FGF12: variants seen among roughly 807,000 people sequenced by gnomAD.
FGF12 encodes the protein fibroblast growth factor 12.
In FGF12, 14 loss-of-function variants were observed where a neutral mutation model predicts 23.6. That is an observed-to-expected ratio of 0.59 (90% CI 0.39 to 0.93). FGF12 has a LOEUF of 0.93. Among genes scored for constraint, FGF12 ranks in the 40% least tolerant of loss-of-function variants. The pLI is 0.00. For missense variants in FGF12, 175 were observed against 217.8 expected, an observed-to-expected ratio of 0.80 and a Z score of 1.24; for synonymous variants, 62 against 77.3, an observed-to-expected ratio of 0.80 and a Z score of 1.04.
chr3:192,257,100 G>A (rs73064550), intron 4 of FGF12, among the ~76,000 whole-genome samples: 1,670 of 152,146 alleles, frequency 0.011, 29 homozygotes, highest in African/African-American at 0.039. Flanking sequence ...ATAATATAAC[G>A]TGACTTGGTT....
chr3:192,287,288 C>T (rs1714506607), intron 4 of FGF12, among the ~76,000 whole-genome samples: 1 of 152,032 alleles, frequency 6.6e-6, no homozygotes, highest in Admixed American at 6.6e-5. Context: ...TATATTATCT[C>T]ATTCTCCAGT....
At chr3:192,318,664 G>C (rs1432999770) in intron 4 of FGF12, among the ~76,000 whole-genome samples, 1 of 152,024 alleles carries the variant, frequency 6.6e-6, no homozygotes, top group Non-Finnish European at 1.5e-5. Flanking sequence ...AGAGTAGAAA[G>C]TTTATTCAAA....
At chr3:192,586,325 T>C (rs1713372471) in intron 2 of FGF12, among the ~76,000 whole-genome samples, 1 of 152,214 alleles carries the variant, frequency 6.6e-6, no homozygotes, top group Non-Finnish European at 1.5e-5. Flanking sequence ...TTCCTGCTTA[T>C]GAGCTACCTA....
intron 2 of FGF12, among the ~76,000 whole-genome samples, chr3:192,521,709 C>T (rs1316231015): frequency 2.0e-5 from 3 of 152,048 alleles, no homozygotes; most frequent in African/African-American, 4.8e-5. Flanking sequence ...CCTATCTCCC[C>T]GCCTCCCCCA....
intron 4 of FGF12, among the ~76,000 whole-genome samples, chr3:192,256,886 G>A (rs180750973): frequency 6.6e-6 from 1 of 152,204 alleles, no homozygotes; most frequent in Admixed American, 6.6e-5. Flanking sequence ...CTTGGATCTG[G>A]TTAGTGACTA....
intron 2 of FGF12, among the ~76,000 whole-genome samples, chr3:192,476,089 C>T (rs367567744): frequency 2.6e-4 from 40 of 152,122 alleles, no homozygotes; most frequent in African/African-American, 8.9e-4. Flanking sequence ...CAAGAGATCA[C>T]CTGCAGCTCC....
At chr3:192,414,067 A>G (rs537590535) in intron 2 of FGF12, among the ~76,000 whole-genome samples, 1 of 152,352 alleles carries the variant, frequency 6.6e-6, no homozygotes, top group Admixed American at 6.5e-5. Context: ...ATCATCTTCC[A>G]AAACAGAAAA....
At chr3:192,158,670 C>CCCCTTCCTTCTTTCCTTCCTTCCT (rs71177347) in intron 5 of FGF12, among the ~76,000 whole-genome samples, 3 of 74,726 alleles carry the variant, frequency 4.0e-5, no homozygotes, top group African/African-American at 1.3e-4. Flanking sequence ...CCTTCCCTCC[C>CCCCTTCCTTCTTTCCTTCCTTCCT]TCCCTCTCTC....
chr3:192,378,080 T>TTCATTCTTTCTTTCTTTCTTTCTTTCTG (rs1719636221), intron 2 of FGF12, among the ~76,000 whole-genome samples: 1 of 105,810 alleles, frequency 9.5e-6, no homozygotes, highest in East Asian at 3.1e-4. Flanking sequence ...CTTTCTTTCT[T>TTCATTCTTTCTTTCTTTCTTTCTTTCTG]TCTTTCTTTC....
intron 2 of FGF12, among the ~76,000 whole-genome samples, chr3:192,438,813 T>A (rs73195320): frequency 0.057 from 8,737 of 152,252 alleles, 270 homozygotes; most frequent in Non-Finnish European, 0.069. Context: ...CAAAGCCTCT[T>A]AGTCTCTCAG....
intron 2 of FGF12, among the ~76,000 whole-genome samples, chr3:192,646,263 A>T (rs1716001759): frequency 6.6e-6 from 1 of 152,086 alleles, no homozygotes; most frequent in African/African-American, 2.4e-5. Flanking sequence ...CAGGAAGTCA[A>T]CGTTTAATAA....
At chr3:192,224,089 A>G (rs1207332129) in intron 4 of FGF12, among the ~76,000 whole-genome samples, 1 of 152,126 alleles carries the variant, frequency 6.6e-6, no homozygotes, top group Non-Finnish European at 1.5e-5. Context: ...TTTGTAAGAT[A>G]CCTGGAGAGT....
At chr3:192,154,884 T>G (rs542537724) in intron 5 of FGF12, among the ~76,000 whole-genome samples, 2 of 127,446 alleles carry the variant, frequency 1.6e-5, no homozygotes, top group South Asian at 2.7e-4. Context: ...TAAACAAGCC[T>G]GGGCAATGGC....
At chr3:192,567,158 T>C (rs1374507052) in intron 2 of FGF12, among the ~76,000 whole-genome samples, 1 of 152,170 alleles carries the variant, frequency 6.6e-6, no homozygotes, top group Non-Finnish European at 1.5e-5. Flanking sequence ...TAGAAGCACC[T>C]CAGAGGCTCA....
chr3:192,297,150 AAAT>A (rs1715085062), intron 4 of FGF12, among the ~76,000 whole-genome samples: 1 of 152,218 alleles, frequency 6.6e-6, no homozygotes, highest in East Asian at 1.9e-4. Flanking sequence ...CTGCTCAAAA[AAAT>A]AATAATAAGA....
chr3:192,553,412 G>A (rs1039388086), intron 2 of FGF12, among the ~76,000 whole-genome samples: 6 of 152,052 alleles, frequency 3.9e-5, no homozygotes, highest in Non-Finnish European at 8.8e-5. Context: ...GTAACTCTAA[G>A]TAAGTAATAA....
intron 2 of FGF12, among the ~76,000 whole-genome samples, chr3:192,401,566 C>T (rs1720761730): frequency 6.6e-6 from 1 of 152,192 alleles, no homozygotes; most frequent in Non-Finnish European, 1.5e-5. Flanking sequence ...CCCTAGCCTC[C>T]TTACTGTTCC....
At chr3:192,346,789 G>C (rs772786214) in intron 3 of FGF12, among the ~76,000 whole-genome samples, 1 of 152,156 alleles carries the variant, frequency 6.6e-6, no homozygotes, top group Non-Finnish European at 1.5e-5. Context: ...GATGTCTGCA[G>C]TGAACACAGG....
At chr3:192,548,939 A>G (rs1004800969) in intron 2 of FGF12, among the ~76,000 whole-genome samples, 6 of 152,166 alleles carry the variant, frequency 3.9e-5, no homozygotes, top group African/African-American at 1.4e-4. Flanking sequence ...CTGAAAAAAT[A>G]CTTCACTTGT....
Sources: allele counts gnomAD v4.1 joint callset (sites outside exome capture counted in the v4.1 genomes callset), GRCh38; gene constraint gnomAD v4.1.1; transcripts MANE v1.5; gene names NCBI Gene and HGNC (gene_info 2026-07-23, HGNC 2026-07-21).